Variants in ZBTB39 observed in about 807,000 individuals in gnomAD.
ZBTB39 encodes zinc finger and BTB domain containing 39, also known as zinc finger and BTB domain-containing protein 39.
Under a neutral mutation model 39.4 loss-of-function variants are expected in ZBTB39, and 25 were observed. The observed-to-expected ratio is 0.63, with a 90% confidence interval of 0.46 to 0.89. The LOEUF is 0.89. Among genes scored for constraint, ZBTB39 ranks in the 40% least tolerant of loss-of-function variants. The probability of loss-of-function intolerance (pLI) is 0.00; values close to 1 mark genes in which losing one functional copy is unlikely to be tolerated. For missense variants in ZBTB39, 891 were observed against 909.7 expected (o/e 0.98, Z 0.26); for synonymous variants, 373 against 359.6 (o/e 1.04, Z -0.42).
rs748339047 is a variant in ZBTB39 at position 57,004,068 on chromosome 12, T to C, written c.850A>G (p.Lys284Glu). ...NSCLSNSEHS[K>E]DPGFGQMDEL... is the part of the protein sequence containing the mutation. ...TCCATCTGCCCAAAGCCAGGATCTT[T>C]GGAGTGCTCACTATTGCTCAGACAG... Residue 284 changes from lysine to glutamate, a missense_variant, in exon 2 of 2, where the codon AAA (lysine) becomes GAA (glutamate). By Grantham distance (56) the Lys-to-Glu change is moderately conservative (BLOSUM62 1). Coordinates refer to ENST00000300101, the MANE Select transcript of ZBTB39 (RefSeq NM_014830.3). 1.9e-6 allele frequency: 3 copies of C among 1,614,106 alleles called. No individual in the cohort carries two copies. The African/African-American group carries it at 4.0e-5, about 22-fold the overall frequency.
Position 57,002,642 on chromosome 12 carries a change from T to C in ZBTB39, c.*137A>G. ...GCTTATGTGCTATTTCTTCTTCTTT[T>C]CTTCTTTAAACACAACACAGAACAG... On this transcript the variant is annotated 3_prime_UTR_variant, in exon 2 of 2. Coordinates refer to ENST00000300101, the MANE Select transcript of ZBTB39 (RefSeq NM_014830.3). The C allele has an allele frequency of 1.2e-6, 1 of 816,078 alleles. No homozygotes were observed. Among genetic ancestry groups the C allele is most frequent in the Non-Finnish European group, 1.9e-6 (1 of 523,164 alleles). The allele number at this position is 816,078 out of a possible 1,614,324, so 50.6% of individuals were successfully genotyped here.
chr12:57,003,772 C>T lies in ZBTB39; in HGVS notation c.1146G>A (p.Gln382=), dbSNP rs1158319839. Residue 382 remains glutamine, a synonymous_variant, in exon 2 of 2, where the codon CAG becomes CAA. Coordinates refer to ENST00000300101, the MANE Select transcript of ZBTB39 (RefSeq NM_014830.3). This position sits in a 1 kb window ranked among gnomAD's most constrained non-coding sequence, Gnocchi z 4.8. ...CATGAGTTACCCGGGAGTTTCGGTC[C>T]TGGAAGTGGGTCTCGCAGACCTTGC... ...GNCKVCETHF[Q]DRNSRVTHVL... 6.2e-7 allele frequency: 1 copy of T among 1,614,214 alleles called. No individual in the cohort carries two copies. Among genetic ancestry groups the T allele is most frequent in the Non-Finnish European group, 8.5e-7 (1 of 1,180,046 alleles).
chr12:57,004,943 C>A lies in ZBTB39; in HGVS notation c.-26G>T, dbSNP rs1565630870. The A allele has an allele frequency of 1.3e-6, 2 of 1,558,172 alleles. No individual in the cohort carries two copies. The highest frequency in any genetic ancestry group is 8.7e-7 in the Non-Finnish European group (1 of 1,148,376). On this transcript the variant is annotated 5_prime_UTR_variant, in exon 2 of 2. The change creates a premature stop within an existing upstream ORF in the 5' untranslated region. Coordinates refer to ENST00000300101, the MANE Select transcript of ZBTB39 (RefSeq NM_014830.3). ...CTTAGCAGCTCCTATGAAATTACCT[C>A]CTTATCAGCACAGTTAATCTGTGGA...
At position 57,004,403 on chromosome 12, in the gene ZBTB39, T is replaced by C. The variant is rs1956232780; in HGVS notation, c.515A>G (p.Tyr172Cys). 6 of 1,614,148 alleles carry C rather than the reference T, an allele frequency of 3.7e-6. No homozygotes were observed. The highest frequency in any genetic ancestry group is 4.5e-5 in the East Asian group (2 of 44,880). Residue 172 changes from tyrosine to cysteine, a missense_variant, in exon 2 of 2, where the codon TAT becomes TGT. Coordinates refer to ENST00000300101, the MANE Select transcript of ZBTB39 (RefSeq NM_014830.3). ...CCCTCCAGCATCACTGGGCAACACATAGTTTCTATCAGCACCAAGGTAGTC... is the reference window on the plus strand; with the variant it reads ...CCCTCCAGCATCACTGGGCAACACACAGTTTCTATCAGCACCAAGGTAGTC... Reference protein sequence around the residue: ...GGDYLGADRNYVLPSDAGGSY... With the variant: ...GGDYLGADRNCVLPSDAGGSY...
In ZBTB39 at chr12:57,004,937, T is replaced by C; in HGVS notation, c.-20A>G. Reference sequence around the variant, plus strand: ...GCCCATCTTAGCAGCTCCTATGAAATTACCTCCTTATCAGCACAGTTAATC... The same window carrying C: ...GCCCATCTTAGCAGCTCCTATGAAACTACCTCCTTATCAGCACAGTTAATC... On this transcript the variant is annotated 5_prime_UTR_variant, in exon 2 of 2. Coordinates refer to ENST00000300101, the MANE Select transcript of ZBTB39 (RefSeq NM_014830.3). 1.3e-6 allele frequency: 2 copies of C among 1,564,182 alleles called. No individual in the cohort carries two copies. Among genetic ancestry groups the C allele is most frequent in the South Asian group, 1.2e-5 (1 of 82,686 alleles).
rs2136410507 is a variant in ZBTB39, at chr12:57,004,328, A to G, written c.590T>C (p.Leu197Pro). 2 of 1,614,148 alleles carry G rather than the reference A, an allele frequency of 1.2e-6. No homozygotes were observed. Among genetic ancestry groups the G allele is most frequent in the Non-Finnish European group, 1.7e-6 (2 of 1,180,020 alleles). Residue 197 changes from leucine to proline, a missense_variant, in exon 2 of 2, where the codon CTG becomes CCG. Physicochemically the swap from Leu to Pro is moderately conservative, Grantham distance 98. Coordinates refer to ENST00000300101, the MANE Select transcript of ZBTB39 (RefSeq NM_014830.3). ...TGGTGGGGGCGGTTGCGGCAGATGC[A>G]GGCTATGGTTAGCGTCACTGGCAAC... ...KNVASDANHS[L>P]HLPQPPPPPP...
In ZBTB39 at chr12:57,003,228, T is replaced by C. The variant is rs753280352; in HGVS notation, c.1690A>G (p.Ser564Gly). ...RYHVSQHKCN[S>G]GLDARPGFGL... is the part of the protein sequence containing the mutation. ...AAACCAGGCCGTGCATCAAGGCCAC[T>C]GTTGCATTTGTGCTGGCTGACGTGG... The change falls in exon 2 of 2, where the codon AGT becomes GGT. Residue 564 changes from serine to glycine, a missense_variant. By Grantham distance (56) the Ser-to-Gly change is moderately conservative. Transcript: ENST00000300101. This position sits in a 1 kb window ranked among gnomAD's most constrained non-coding sequence, Gnocchi z 4.8. 5 of 1,614,234 alleles carry C rather than the reference T, an allele frequency of 3.1e-6. No individual in the cohort carries two copies. The highest frequency in any genetic ancestry group is 4.2e-6 in the Non-Finnish European group (5 of 1,180,028).
rs1481453667 is a variant in ZBTB39 at position 57,000,190 on chromosome 12, T to C, written c.*2589A>G. ...GGAAGTTCAGGTGTGAATACAGGGG[T>C]CACCAACAGGGAGAGGGTTTGGTCA... On this transcript the variant is annotated 3_prime_UTR_variant, in exon 2 of 2. Transcript: ENST00000300101. 1 of 152,224 alleles carries C rather than the reference T, an allele frequency of 6.6e-6. No homozygotes were observed. Among genetic ancestry groups the C allele is most frequent in the Non-Finnish European group, 1.5e-5 (1 of 67,990 alleles). The allele number at this position is 152,224 out of a possible 1,614,324, so 9.4% of individuals were successfully genotyped here.
chr12:56,999,360 C>T lies in ZBTB39; in HGVS notation c.*3419G>A, dbSNP rs1956197107. ...AGTCTTGGGCTTGGGGAAAGGGGCACAGAAGGAGGCCAGAGGAAGAAGAAA... is the reference window on the plus strand; with the variant it reads ...AGTCTTGGGCTTGGGGAAAGGGGCATAGAAGGAGGCCAGAGGAAGAAGAAA... On this transcript the variant is annotated 3_prime_UTR_variant, in exon 2 of 2. Coordinates refer to ENST00000300101, the MANE Select transcript of ZBTB39 (RefSeq NM_014830.3). The T allele has an allele frequency of 1.3e-5, 2 of 151,970 alleles. No homozygotes were observed. Among genetic ancestry groups the T allele is most frequent in the African/African-American group, 4.8e-5 (2 of 41,306 alleles). The allele number at this position is 151,970 out of a possible 1,614,324, so 9.4% of individuals were successfully genotyped here.
rs373872320 is a variant in ZBTB39, at chr12:57,003,952, C to T, written c.966G>A (p.Leu322=). The part of the protein sequence containing the change: ...DIGTTEEVIE[L]SDDSEDELAF... Reference sequence around the variant, plus strand: ...CCAACTCATCCTCACTGTCATCACTCAGCTCAATCACCTCCTCAGTTGTGC... The same window carrying T: ...CCAACTCATCCTCACTGTCATCACTTAGCTCAATCACCTCCTCAGTTGTGC... The change falls in exon 2 of 2, where the codon CTG becomes CTA. Residue 322 remains leucine (L), a synonymous_variant. Coordinates refer to ENST00000300101, the MANE Select transcript of ZBTB39 (RefSeq NM_014830.3). The surrounding 1 kb of genome is among the most constrained non-coding windows in gnomAD (Gnocchi z 4.8). 3.1e-6 allele frequency: 5 copies of T among 1,614,118 alleles called. No individual in the cohort carries two copies. The African/African-American group carries it at 6.7e-5, about 22-fold the overall frequency.
In ZBTB39 at chr12:57,002,917, C is replaced by A. The variant is rs1348549497; in HGVS notation, c.2001G>T (p.Gly667=). 3.1e-6 allele frequency: 5 copies of A among 1,614,228 alleles called. No individual in the cohort carries two copies. The East Asian group carries it at 1.1e-4, about 36-fold the overall frequency. Residue 667 remains glycine, a synonymous_variant, in exon 2 of 2, where the codon GGG becomes GGT. Transcript: ENST00000300101. ...GALMYRCTVC[G]HYSSTLNLMS... is the part of the protein sequence containing the mutation. ...TGAGGTTAAGGGTGGAACTGTAGTG[C>A]CCACAGACTGTGCAGCGGTACATGA...
Position 57,002,690 on chromosome 12 carries a change from T to C in ZBTB39, c.*89A>G. On this transcript the variant is annotated 3_prime_UTR_variant, in exon 2 of 2. Transcript: ENST00000300101. Reference sequence around the variant, plus strand: ...CAGAATTCCTACCAAGGCAAAATTATAACTTCAGCTGGGGAGGGACCAACA... The same window carrying C: ...CAGAATTCCTACCAAGGCAAAATTACAACTTCAGCTGGGGAGGGACCAACA... 7.6e-7 allele frequency: 1 copy of C among 1,307,832 alleles called. No individual in the cohort carries two copies. The highest frequency in any genetic ancestry group is 1.1e-6 in the Non-Finnish European group (1 of 940,270). The allele number at this position is 1,307,832 out of a possible 1,614,324, so 81.0% of individuals were successfully genotyped here. A position where few individuals can be genotyped will look rare whatever the true frequency, so the allele number is the denominator to read the frequency against.
Position 57,002,539 on chromosome 12 carries a change from A to G in ZBTB39, c.*240T>C. On this transcript the variant is annotated 3_prime_UTR_variant, in exon 2 of 2. Transcript: ENST00000300101. The stretch of plus-strand genomic sequence containing the variant: ...TCCCAAAACCAGCCTCAAAAGAATG[A>G]AAAACATAGCCCTGCATGGGCAAGA... 1.9e-6 allele frequency: 1 copy of G among 523,480 alleles called. No individual in the cohort carries two copies. The highest frequency in any genetic ancestry group is 3.4e-6 in the Non-Finnish European group (1 of 297,074). The allele number at this position is 523,480 out of a possible 1,614,324, so 32.4% of individuals were successfully genotyped here.
Position 57,004,530 on chromosome 12 carries a change from T to C in ZBTB39, c.388A>G (p.Arg130Gly). Residue 130 changes from arginine (R) to glycine (G), a missense_variant, in exon 2 of 2, where the codon AGG becomes GGG. Coordinates refer to ENST00000300101, the MANE Select transcript of ZBTB39 (RefSeq NM_014830.3). ...CTGGTGCTGGTCAGGGGCTTGGCCC[T>C]GGCAGTGCTCTCCAGATCAGGAAAG... ...STFPDLESTA[R>G]AKPLTSTSES... 1.2e-6 allele frequency: 2 copies of C among 1,614,176 alleles called. No individual in the cohort carries two copies. The highest frequency in any genetic ancestry group is 1.7e-6 in the Non-Finnish European group (2 of 1,180,022).
At position 57,002,534 on chromosome 12, in the gene ZBTB39, G is replaced by C. The variant is rs1956215512; in HGVS notation, c.*245C>G. ...CTAGATCCCAAAACCAGCCTCAAAA[G>C]AATGAAAAACATAGCCCTGCATGGG... is the stretch of plus-strand genomic sequence containing the variant. On this transcript the variant is annotated 3_prime_UTR_variant, in exon 2 of 2. Transcript: ENST00000300101. The C allele has an allele frequency of 3.9e-6, 2 of 515,256 alleles. No individual in the cohort carries two copies. The highest frequency in any genetic ancestry group is 6.9e-6 in the Non-Finnish European group (2 of 291,900). The allele number at this position is 515,256 out of a possible 1,614,324, so 31.9% of individuals were successfully genotyped here.
At position 57,004,971 on chromosome 12, in the gene ZBTB39, G is replaced by A. The variant is rs2136411040; in HGVS notation, c.-44-10C>T. On this transcript the variant is annotated splice_polypyrimidine_tract_variant and intron_variant, in intron 1 of 1. Transcript: ENST00000300101. ...TATCAGCACAGTTAATCTGTGGATA[G>A]CAAGAGAAAAAGATGGATGGCCAAA... 6.6e-7 allele frequency: 1 copy of A among 1,510,772 alleles called. No individual in the cohort carries two copies. 93.6% of individuals were successfully genotyped at this position (1,510,772 alleles called of 1,614,324 possible).
At position 57,004,179 on chromosome 12, in the gene ZBTB39, A is replaced by G; in HGVS notation, c.739T>C (p.Tyr247His). The G allele has an allele frequency of 3.1e-6, 5 of 1,614,082 alleles. No individual in the cohort carries two copies. The South Asian group carries it at 5.5e-5, about 18-fold the overall frequency. ...AAGTCTCCATTGCTTTGAACTTTGT[A>G]TGGCTGGCAGGAGCTCGTGCTGGTC... ...IQTSTSSCQP[Y>H]KVQSNGDFSK... Residue 247 changes from tyrosine (Y) to histidine (H), a missense_variant, in exon 2 of 2, where the codon TAC becomes CAC. Transcript: ENST00000300101.
Position 57,003,886 on chromosome 12 carries a change from G to A in ZBTB39, c.1032C>T (p.Pro344=), listed in dbSNP as rs373304187. ...ENDNRENKAM[P]CQVCKKVLEP... Reference sequence around the variant, plus strand: ...CTAGAACTTTCTTGCACACCTGGCAGGGCATGGCCTTATTCTCCCGATTGT... The same window carrying A: ...CTAGAACTTTCTTGCACACCTGGCAAGGCATGGCCTTATTCTCCCGATTGT... Residue 344 remains proline, a synonymous_variant, in exon 2 of 2, where the codon CCC becomes CCT. Transcript: ENST00000300101. This position sits in a 1 kb window ranked among gnomAD's most constrained non-coding sequence, Gnocchi z 4.8. The A allele has an allele frequency of 7.4e-6, 12 of 1,614,062 alleles. No homozygotes were observed. In the African/African-American group the frequency reaches 9.3e-5, roughly 13 times the overall value.
chr12:57,005,900 A>T (rs1360412758), intron 1 of ZBTB39, among the ~76,000 whole-genome samples: 2 of 152,100 alleles, frequency 1.3e-5, no homozygotes, highest in Non-Finnish European at 2.9e-5. Context: ...ATCTCTCCAG[A>T]TTCTAACAAC....
Sources: gnomAD v4.1 joint callset for allele counts (sites outside exome capture counted in the v4.1 genomes callset) on GRCh38, gnomAD v4.1.1 for gene constraint, Gnocchi (gnomAD v3.1) non-coding constraint, MANE v1.5 for transcripts, NCBI Gene and HGNC (gene_info 2026-07-23, HGNC 2026-07-21) for gene names.